The following THSD7B variants were observed in gnomAD, a reference collection of about 807,000 sequenced individuals.
The protein encoded by THSD7B is thrombospondin type-1 domain-containing protein 7B.
Under a neutral mutation model 213.6 loss-of-function variants are expected in THSD7B, and 138 were observed. The observed-to-expected ratio is 0.65, with a 90% CI of 0.56 to 0.74. The LOEUF (loss-of-function observed/expected upper bound fraction) is 0.74. Among genes scored for constraint, THSD7B ranks in the 30% least tolerant of loss-of-function variants. THSD7B has a pLI of 0.00. For synonymous variants in THSD7B, 742 were observed against 687.0 expected (o/e 1.08, Z -1.25); for missense variants, 1,931 against 1,991.5 (o/e 0.97, Z 0.58).
At chr2:137,541,738 C>CA (rs1680612795) in intron 15 of THSD7B, among the ~76,000 whole-genome samples, 1 of 151,178 alleles carries the variant, frequency 6.6e-6, no homozygotes, top group South Asian at 2.1e-4. Flanking sequence ...TAATGTGAAA[C>CA]AAAATAAAGA....
intron 4 of THSD7B, among the ~76,000 whole-genome samples, chr2:137,102,056 C>G (rs976708686): frequency 5.9e-5 from 9 of 152,220 alleles, no homozygotes; most frequent in Admixed American, 2.0e-4. Flanking sequence ...GACAGACTGT[C>G]TCCTCAAGTG....
chr2:136,888,652 G>A (rs1046115977), intron 2 of THSD7B, among the ~76,000 whole-genome samples: 1 of 151,994 alleles, frequency 6.6e-6, no homozygotes, highest in Non-Finnish European at 1.5e-5. Context: ...CATATGGCCT[G>A]GAGTTCACCA....
At chr2:137,518,242 C>A (rs973191710) in intron 15 of THSD7B, among the ~76,000 whole-genome samples, 5 of 152,108 alleles carry the variant, frequency 3.3e-5, no homozygotes, top group African/African-American at 1.2e-4. Context: ...GAAGAGAAGA[C>A]CAGGGCCTGG....
intron 21 of THSD7B, among the ~76,000 whole-genome samples, chr2:137,653,393 G>A (rs72985420): frequency 0.027 from 4,176 of 151,868 alleles, 201 homozygotes; most frequent in African/African-American, 0.094. Context: ...ATTATTATGC[G>A]CCTTATGATA....
chr2:137,020,632 CCACTGA>C (rs1686425599), intron 2 of THSD7B, among the ~76,000 whole-genome samples: 1 of 152,054 alleles, frequency 6.6e-6, no homozygotes, highest in Admixed American at 6.5e-5. Flanking sequence ...CCCCAGAGCT[CCACTGA>C]CAGAAAGCAT....
At chr2:137,187,320 C>T (rs987080760) in intron 7 of THSD7B, among the ~76,000 whole-genome samples, 6 of 152,032 alleles carry the variant, frequency 3.9e-5, no homozygotes, top group African/African-American at 1.4e-4. Flanking sequence ...AATGACCTGA[C>T]CTGCCTGTTC....
chr2:137,504,975 A>G (rs1273018499), intron 15 of THSD7B, among the ~76,000 whole-genome samples: 2 of 150,696 alleles, frequency 1.3e-5, no homozygotes, highest in East Asian at 2.0e-4. Context: ...GAAGGGAGGA[A>G]GGGAGGAATG....
At chr2:136,803,590 A>G (rs565169620) in intron 1 of THSD7B, among the ~76,000 whole-genome samples, 1 of 152,342 alleles carries the variant, frequency 6.6e-6, no homozygotes, top group African/African-American at 2.4e-5. Context: ...ATTTGTATTA[A>G]TCAAGGTTCT....
At chr2:136,910,475 A>C (rs1222787749) in intron 2 of THSD7B, among the ~76,000 whole-genome samples, 1 of 152,180 alleles carries the variant, frequency 6.6e-6, no homozygotes, top group Non-Finnish European at 1.5e-5. Flanking sequence ...TTTTATATTT[A>C]AAAAATGTGT....
chr2:137,411,511 A>G (rs1686650214), intron 13 of THSD7B, 98 bp from the exon 14 acceptor site: 1 of 1,187,680 alleles, frequency 8.4e-7, no homozygotes, highest in Non-Finnish European at 1.2e-6. Flanking sequence ...GCTTTATTTT[A>G]TTTAATATTC....
chr2:136,907,640 T>C (rs1684187156), intron 2 of THSD7B, among the ~76,000 whole-genome samples: 1 of 152,240 alleles, frequency 6.6e-6, no homozygotes, highest in African/African-American at 2.4e-5. Context: ...GAAGTGAACA[T>C]CCATTCAGTT....
At chr2:136,983,497 A>G (rs1033236986) in intron 2 of THSD7B, among the ~76,000 whole-genome samples, 1 of 127,490 alleles carries the variant, frequency 7.8e-6, no homozygotes, top group Non-Finnish European at 1.6e-5. Context: ...AACCCAGTAA[A>G]ATCTGTTTTT....
chr2:137,138,447 T>C (rs1474193919), intron 5 of THSD7B, among the ~76,000 whole-genome samples: 1 of 152,144 alleles, frequency 6.6e-6, no homozygotes. Context: ...TATGGTGGTT[T>C]CTCCTTGTGG....
At chr2:136,911,493 T>A (rs1351848282) in intron 2 of THSD7B, among the ~76,000 whole-genome samples, 1 of 152,212 alleles carries the variant, frequency 6.6e-6, no homozygotes, top group Non-Finnish European at 1.5e-5. Flanking sequence ...AAGGCAATGA[T>A]TCACTAACGT....
At chr2:136,900,846 T>A (rs570731181) in intron 2 of THSD7B, among the ~76,000 whole-genome samples, 1 of 152,220 alleles carries the variant, frequency 6.6e-6, no homozygotes, top group Non-Finnish European at 1.5e-5. Context: ...GATTTTAGCA[T>A]GGAGCTTGAA....
intron 1 of THSD7B, among the ~76,000 whole-genome samples, chr2:136,780,352 C>CA (rs2104905635): frequency 6.6e-6 from 1 of 152,268 alleles, no homozygotes; most frequent in African/African-American, 2.4e-5. Flanking sequence ...CATGTGCCCT[C>CA]ATAGCCTAAG....
chr2:137,031,274 G>A (rs1686660115), intron 2 of THSD7B, among the ~76,000 whole-genome samples: 1 of 152,202 alleles, frequency 6.6e-6, no homozygotes, highest in South Asian at 2.1e-4. Context: ...AAACCTGGGA[G>A]GTGGAGGTTG....
intron 17 of THSD7B, among the ~76,000 whole-genome samples, chr2:137,577,427 T>C (rs1248008603): frequency 1.3e-5 from 2 of 152,260 alleles, no homozygotes; most frequent in East Asian, 3.9e-4. Flanking sequence ...TGATTCTCAA[T>C]ATCATCAATT....
At chr2:137,203,762 A>G (rs558164464) in intron 7 of THSD7B, among the ~76,000 whole-genome samples, 2 of 152,132 alleles carry the variant, frequency 1.3e-5, no homozygotes, top group Admixed American at 1.3e-4. Context: ...AACTTCAGAA[A>G]ATAGAATATT....
Sources: gnomAD v4.1 joint callset for allele counts (sites outside exome capture counted in the v4.1 genomes callset) on GRCh38, gnomAD v4.1.1 for gene constraint, MANE v1.5 for transcripts, NCBI Gene and HGNC (gene_info 2026-07-23, HGNC 2026-07-21) for gene names.